Variants in GNAQ observed in about 807,000 individuals in gnomAD.
GNAQ encodes G protein subunit alpha q, also known as guanine nucleotide-binding protein G(q) subunit alpha.
In GNAQ, 8 loss-of-function variants were observed where a neutral mutation model predicts 43.9. That is an observed-to-expected ratio of 0.18 (90% CI 0.11 to 0.33). GNAQ has a LOEUF of 0.33. GNAQ is among the 10% of genes least tolerant of loss of function. GNAQ has a pLI of 1.00. For missense variants in GNAQ, 158 were observed against 450.8 expected, an observed-to-expected ratio of 0.35 and a Z score of 5.88; for synonymous variants, 155 against 170.7, an observed-to-expected ratio of 0.91 and a Z score of 0.71.
intron 1 of GNAQ, among the ~76,000 whole-genome samples, chr9:78,002,785 T>C (rs140070344): frequency 4.8e-4 from 73 of 152,324 alleles, no homozygotes; most frequent in African/African-American, 1.2e-3. Context: ...CCAACTGTCA[T>C]TGAATATCCC....
At chr9:77,743,134 T>C (rs1192171775) in intron 5 of GNAQ, among the ~76,000 whole-genome samples, 4 of 152,202 alleles carry the variant, frequency 2.6e-5, no homozygotes, top group Non-Finnish European at 4.4e-5. Flanking sequence ...GGCATGAGCC[T>C]GTAGTCCCAG....
rs111412833 is a variant in GNAQ at position 78,008,704 on chromosome 9, C to T, written c.136+22396G>A. 5.7e-3 allele frequency among the ~76,000 whole-genome samples: 872 copies of T among 152,226 alleles called. 9 individuals are homozygous for T. The highest frequency in any genetic ancestry group is 0.02 in the African/African-American group (837 of 41,526). Reference sequence around the variant, plus strand: ...CATGATCTCAGCTCACCACAACCTCCGCCTCCTGGGTTCAAGCGATTCTCC... The same window carrying T: ...CATGATCTCAGCTCACCACAACCTCTGCCTCCTGGGTTCAAGCGATTCTCC... On this transcript the variant is annotated intron_variant, in intron 1 of 6. Coordinates refer to ENST00000286548, the MANE Select transcript of GNAQ (RefSeq NM_002072.5).
At chr9:77,820,829 T>C (rs1827101624) in intron 2 of GNAQ, among the ~76,000 whole-genome samples, 1 of 152,218 alleles carries the variant, frequency 6.6e-6, no homozygotes, top group African/African-American at 2.4e-5. Context: ...TCAACCTTCC[T>C]GAACCTCAGT....
In GNAQ at chr9:77,797,108, T is replaced by C. The variant is rs142502647; in HGVS notation, c.605+412A>G. Among the ~76,000 whole-genome samples, 1,231 of 152,166 alleles carry C rather than the reference T, an allele frequency of 8.1e-3. 12 individuals are homozygous for C. The highest frequency in any genetic ancestry group is 0.012 in the Non-Finnish European group (816 of 67,988). On this transcript the variant is annotated intron_variant, in intron 4 of 6. Coordinates refer to ENST00000286548, the MANE Select transcript of GNAQ (RefSeq NM_002072.5). The stretch of plus-strand genomic sequence containing the variant: ...AGTGCAGTGGCGCAATCTCGTCTCA[T>C]TGCAACCTTCGCCTCCTGGGTTCAA...
At chr9:77,826,443 A>G (rs188814254) in intron 2 of GNAQ, among the ~76,000 whole-genome samples, 50 of 152,264 alleles carry the variant, frequency 3.3e-4, no homozygotes, top group African/African-American at 1.2e-3. Flanking sequence ...AAAAACGTGC[A>G]CCTGGGATCT....
intron 5 of GNAQ, among the ~76,000 whole-genome samples, chr9:77,739,427 A>G (rs555795807): frequency 6.6e-6 from 1 of 152,304 alleles, no homozygotes; most frequent in South Asian, 2.1e-4. Context: ...TGCAGTCTTT[A>G]TATACTGAAG....
At chr9:77,935,328 C>T (rs928804232) in intron 1 of GNAQ, among the ~76,000 whole-genome samples, 11 of 152,044 alleles carry the variant, frequency 7.2e-5, no homozygotes, top group African/African-American at 2.2e-4. Flanking sequence ...TGGCATTAAA[C>T]CACCCAGCAA....
chr9:77,860,448 C>T (rs1176552658), intron 2 of GNAQ, among the ~76,000 whole-genome samples: 1 of 152,142 alleles, frequency 6.6e-6, no homozygotes, highest in Non-Finnish European at 1.5e-5. Flanking sequence ...CTGTGGAATG[C>T]TACAGAGATT....
At chr9:77,988,850 G>C (rs536247085) in intron 1 of GNAQ, among the ~76,000 whole-genome samples, 1 of 152,266 alleles carries the variant, frequency 6.6e-6, no homozygotes, top group South Asian at 2.1e-4. Flanking sequence ...GAAAGCTAAT[G>C]CAAGTCTAAA....
intron 1 of GNAQ, among the ~76,000 whole-genome samples, chr9:77,969,302 T>C (rs939226394): frequency 8.5e-5 from 13 of 152,316 alleles, no homozygotes; most frequent in African/African-American, 2.9e-4. Flanking sequence ...CACACCCGAA[T>C]TACCATCCAG....
intron 2 of GNAQ, among the ~76,000 whole-genome samples, chr9:77,906,556 G>C (rs1238017801): frequency 1.3e-5 from 2 of 152,140 alleles, no homozygotes. Flanking sequence ...AAAAGTACTT[G>C]TGATATATAC....
At chr9:77,938,682 A>C (rs1040270787) in intron 1 of GNAQ, among the ~76,000 whole-genome samples, 1 of 152,200 alleles carries the variant, frequency 6.6e-6, no homozygotes, top group Non-Finnish European at 1.5e-5. Flanking sequence ...ATCCGAGAAA[A>C]TGGGAGCACC....
At chr9:77,742,840 T>C (rs1825674775) in intron 5 of GNAQ, among the ~76,000 whole-genome samples, 1 of 152,126 alleles carries the variant, frequency 6.6e-6, no homozygotes, top group Non-Finnish European at 1.5e-5. Context: ...AGGGAAAACC[T>C]GGAGAGATGA....
chr9:77,954,204 A>C (rs1046784096), intron 1 of GNAQ, among the ~76,000 whole-genome samples: 2 of 152,196 alleles, frequency 1.3e-5, no homozygotes, highest in Non-Finnish European at 2.9e-5. Context: ...TCACTGCAAG[A>C]GGCACTGTAA....
chr9:77,813,360 G>C (rs1826958281), intron 3 of GNAQ, among the ~76,000 whole-genome samples: 1 of 152,192 alleles, frequency 6.6e-6, no homozygotes, highest in Non-Finnish European at 1.5e-5. Context: ...ATCGTAAGGA[G>C]TGTGCCCGTT....
At chr9:77,914,775 T>G (rs548455412) in intron 2 of GNAQ, among the ~76,000 whole-genome samples, 99 of 138,478 alleles carry the variant, frequency 7.1e-4, no homozygotes, top group African/African-American at 2.2e-3. Context: ...AGAATCCAAT[T>G]AAAATCACTG....
chr9:77,982,372 C>G (rs941369858), intron 1 of GNAQ, among the ~76,000 whole-genome samples: 1 of 152,104 alleles, frequency 6.6e-6, no homozygotes, highest in Non-Finnish European at 1.5e-5. Flanking sequence ...ATTGAATCCT[C>G]TTACTTAAGA....
At chr9:77,845,098 A>G (rs1827562273) in intron 2 of GNAQ, among the ~76,000 whole-genome samples, 1 of 152,196 alleles carries the variant, frequency 6.6e-6, no homozygotes, top group African/African-American at 2.4e-5. Flanking sequence ...TTTTTTTTAA[A>G]GCATTTCAAT....
At chr9:77,764,698 G>C (rs1035020954) in intron 5 of GNAQ, among the ~76,000 whole-genome samples, 9 of 152,038 alleles carry the variant, frequency 5.9e-5, no homozygotes, top group African/African-American at 2.2e-4. Flanking sequence ...CTCGTGATCC[G>C]CCAGCCTTGG....
Sources: allele counts gnomAD v4.1 joint callset (sites outside exome capture counted in the v4.1 genomes callset), GRCh38; gene constraint gnomAD v4.1.1; transcripts MANE v1.5; gene names NCBI Gene and HGNC (gene_info 2026-07-23, HGNC 2026-07-21).